Variants in BNIP5 observed in about 807,000 individuals in gnomAD.
BNIP5 encodes the protein BCL2 interacting protein 5, also known as protein BNIP5.
In BNIP5, 61 loss-of-function variants were observed where a neutral mutation model predicts 67.3. The observed-to-expected ratio is 0.91, with a 90% CI of 0.74 to 1.12. The LOEUF is 1.12. Ranked by LOEUF, BNIP5 falls within the 50% of genes most tolerant of loss-of-function variation. The pLI, the probability that BNIP5 is intolerant of heterozygous loss-of-function variation, is 0.00. For synonymous variants in BNIP5, 317 were observed against 319.0 expected (o/e 0.99, Z 0.07); for missense variants, 826 against 816.3 (o/e 1.01, Z -0.14).
rs1187030768 is a variant in BNIP5, at chr6:36,326,681, T to C, written c.865A>G (p.Lys289Glu). Residue 289 changes from lysine to glutamate, a missense_variant, in exon 5 of 12, where the codon AAA becomes GAA. By Grantham distance (56) the Lys-to-Glu change is moderately conservative. Coordinates refer to ENST00000437635, the MANE Select transcript of BNIP5 (RefSeq NM_001010903.5). ...GAGGTTCTCTTGAGGCTTGTCTTTT[T>C]CTCTTGGGATTTCTTCCTAACAGCT... ...APAVRKKSQEKKTSLKRTSKT... is the reference protein window; with the variant it reads ...APAVRKKSQEEKTSLKRTSKT... 1.2e-6 allele frequency: 2 copies of C among 1,614,248 alleles called. No homozygotes were observed. Among genetic ancestry groups the C allele is most frequent in the Non-Finnish European group, 8.5e-7 (1 of 1,180,046 alleles).
intron 3 of BNIP5, 95 bp from the exon 4 acceptor site, chr6:36,327,189 T>C (rs909808461): frequency 4.5e-6 from 5 of 1,106,130 alleles, no homozygotes; most frequent in African/African-American, 1.5e-5. Flanking sequence ...AACAACTCTT[T>C]AGGCCACACA....
chr6:36,332,949 T>C (rs1039683658), intron 1 of BNIP5, among the ~76,000 whole-genome samples: 4 of 152,280 alleles, frequency 2.6e-5, no homozygotes, highest in African/African-American at 9.6e-5. Flanking sequence ...TTTGTCATTA[T>C]AGCTTTAGCA....
In BNIP5 at chr6:36,325,534, G is replaced by T. The variant is rs991506241; in HGVS notation, c.1037-120C>A. On this transcript the variant is annotated intron_variant, in intron 5 of 11. Transcript: ENST00000437635. ...CTGGATCACATTAAGGACTTATGGGGCTGGAAGACAGCTGCTGGGCAGGGC... is the reference window on the plus strand; with the variant it reads ...CTGGATCACATTAAGGACTTATGGGTCTGGAAGACAGCTGCTGGGCAGGGC... 8 of 1,225,702 alleles carry T rather than the reference G, an allele frequency of 6.5e-6. No homozygotes were observed. The South Asian group carries it at 8.9e-5, about 14-fold the overall frequency. The allele number at this position is 1,225,702 out of a possible 1,614,324, so 75.9% of individuals were successfully genotyped here.
rs1168434075 is a variant in BNIP5 at position 36,323,489 on chromosome 6, G to A, written c.1275C>T (p.Ala425=). 1.9e-6 allele frequency: 3 copies of A among 1,614,214 alleles called. No individual in the cohort carries two copies. The highest frequency in any genetic ancestry group is 1.3e-5 in the African/African-American group (1 of 75,048). ...CTTGAGATTTCCTTCTGCAGTGTGG[G>A]GCCGGGTTTTCTACACCCACCTCTT... ...QQEEVGVENP[A]PHCRRKSQEK... Residue 425 remains alanine, a synonymous_variant, in exon 8 of 12, where the codon GCC becomes GCT. Transcript: ENST00000437635.
rs1293117232 is a variant in BNIP5 at position 36,326,583 on chromosome 6, G to A, written c.963C>T (p.Ala321=). 1 of 1,614,252 alleles carries A rather than the reference G, an allele frequency of 6.2e-7. No individual in the cohort carries two copies. The part of the protein sequence containing the change: ...RGAADVSSPE[A]WPPKKSSFLP... The stretch of plus-strand genomic sequence containing the variant: ...GAAAGCTGGACTTCTTGGGTGGCCA[G>A]GCCTCTGGACTGGAAACATCTGCAG... Residue 321 remains alanine, a synonymous_variant, in exon 5 of 12, where the codon GCC becomes GCT. Transcript: ENST00000437635.
chr6:36,326,931 A>G lies in BNIP5; in HGVS notation c.792+99T>C, dbSNP rs1210174875. On this transcript the variant is annotated intron_variant, in intron 4 of 11. Transcript: ENST00000437635. ...TGCAGAAGGAGGCTTCAGGGAAGGA[A>G]TGGACTAGAGCCCGGCCTGCAAGGA... 2.1e-6 allele frequency: 3 copies of G among 1,397,052 alleles called. No individual in the cohort carries two copies. The African/African-American group carries it at 4.3e-5, about 20-fold the overall frequency. The allele number at this position is 1,397,052 out of a possible 1,614,324, so 86.5% of individuals were successfully genotyped here.
chr6:36,326,109 G>A (rs1350301590), intron 5 of BNIP5, among the ~76,000 whole-genome samples: 1 of 152,214 alleles, frequency 6.6e-6, no homozygotes, highest in Admixed American at 6.5e-5. Context: ...TACAGGTGAA[G>A]AAATTGAGGC....
At chr6:36,320,984 C>G (rs918385242) in intron 10 of BNIP5, among the ~76,000 whole-genome samples, 171 bp downstream of exon 10, 1 of 152,204 alleles carries the variant, frequency 6.6e-6, no homozygotes, top group Non-Finnish European at 1.5e-5. Context: ...TACATATGCA[C>G]TAAGCTTGGT....
intron 1 of BNIP5, among the ~76,000 whole-genome samples, chr6:36,334,704 A>T (rs1219234435): frequency 1.3e-5 from 2 of 152,204 alleles, no homozygotes; most frequent in Admixed American, 6.5e-5. Context: ...TTTAATCCTA[A>T]TAACCTCCCC....
intron 1 of BNIP5, among the ~76,000 whole-genome samples, chr6:36,335,257 T>C (rs866770930): frequency 2.0e-5 from 3 of 152,198 alleles, no homozygotes; most frequent in African/African-American, 7.2e-5. Context: ...CTCTAACTGC[T>C]CTGGTGCCTT....
intron 3 of BNIP5, among the ~76,000 whole-genome samples, chr6:36,328,013 T>C (rs1261694153): frequency 6.6e-6 from 1 of 152,208 alleles, no homozygotes; most frequent in Non-Finnish European, 1.5e-5. Flanking sequence ...TCATTTCATA[T>C]ATGCTAAAAT....
chr6:36,325,226 G>T, intron 6 of BNIP5, 57 bp downstream of exon 6: 1 of 1,571,366 alleles, frequency 6.4e-7, no homozygotes, highest in Non-Finnish European at 8.8e-7. Flanking sequence ...TTGCAAGTGG[G>T]GGAGTCAGAA....
At position 36,330,728 on chromosome 6, in the gene BNIP5, T is replaced by C. The variant is rs1212063859; in HGVS notation, c.-4-34A>G. The C allele has an allele frequency of 5.9e-6, 9 of 1,514,898 alleles. No individual in the cohort carries two copies. The South Asian group carries it at 1.2e-4, about 20-fold the overall frequency. The allele number at this position is 1,514,898 out of a possible 1,614,324, so 93.8% of individuals were successfully genotyped here. A position where few individuals can be genotyped will look rare whatever the true frequency, so the allele number is the denominator to read the frequency against. On this transcript the variant is annotated intron_variant, in intron 1 of 11. Transcript: ENST00000437635. ...AAAACACACAGCTCCCTTAGTTTTT[T>C]TGTTTGTTTGTTTTGATTTGTTTGT...
intron 3 of BNIP5, 136 bp from the exon 4 acceptor site, chr6:36,327,230 G>T: frequency 1.3e-6 from 1 of 766,802 alleles, no homozygotes; most frequent in Non-Finnish European, 2.1e-6. Flanking sequence ...CCCAGGGGCA[G>T]GTTCTTCTGA....
At chr6:36,335,779 C>T (rs141566213) in intron 1 of BNIP5, among the ~76,000 whole-genome samples, 301 of 152,332 alleles carry the variant, frequency 2.0e-3, no homozygotes, top group Middle Eastern at 3.4e-3. Context: ...GAGACACGCC[C>T]AAGGTCACAT....
intron 11 of BNIP5, 38 bp from the exon 12 acceptor site, chr6:36,317,429 T>A (rs1771545127): frequency 6.3e-7 from 1 of 1,583,552 alleles, no homozygotes. Flanking sequence ...TAGCCACAGC[T>A]CAATTATTTA....
chr6:36,319,331 C>T (rs746088737), intron 11 of BNIP5, 25 bp downstream of exon 11: 3 of 1,610,170 alleles, frequency 1.9e-6, no homozygotes, highest in Middle Eastern at 1.9e-4. Flanking sequence ...GCTACATTGC[C>T]ATTGTCTTCC....
Position 36,319,476 on chromosome 6 carries a change from G to A in BNIP5, c.1803C>T (p.Tyr601=). 1.2e-6 allele frequency: 2 copies of A among 1,614,220 alleles called. No individual in the cohort carries two copies. Among genetic ancestry groups the A allele is most frequent in the Non-Finnish European group, 1.7e-6 (2 of 1,180,046 alleles). ...KLDRNRARRL[Y]QFDVSLANKF... is the part of the protein sequence containing the mutation. Reference sequence around the variant, plus strand: ...TGTTAGCTAAGCTAACGTCAAACTGGTAGAGTCTCCTGGCGCGGTTCCTGT... The same window carrying A: ...TGTTAGCTAAGCTAACGTCAAACTGATAGAGTCTCCTGGCGCGGTTCCTGT... The change falls in exon 11 of 12, where the codon TAC becomes TAT. Residue 601 remains tyrosine, a synonymous_variant. Coordinates refer to ENST00000437635, the MANE Select transcript of BNIP5 (RefSeq NM_001010903.5).
chr6:36,331,433 T>C (rs1259914941), intron 1 of BNIP5, among the ~76,000 whole-genome samples: 1 of 152,168 alleles, frequency 6.6e-6, no homozygotes, highest in African/African-American at 2.4e-5. Context: ...TGGGGGCTTT[T>C]GTTACAGTAG....
Sources: allele counts gnomAD v4.1 joint callset (sites outside exome capture counted in the v4.1 genomes callset), GRCh38; gene constraint gnomAD v4.1.1; transcripts MANE v1.5; gene names NCBI Gene and HGNC (gene_info 2026-07-23, HGNC 2026-07-21).